Variants in EXOC6 observed in about 807,000 individuals in gnomAD.
The protein encoded by EXOC6 is SEC15-like 1.
EXOC6 carries 60 observed loss-of-function variants against 112.5 expected under a neutral mutation model. The observed-to-expected ratio is 0.53, with a 90% CI of 0.43 to 0.66. EXOC6 has a LOEUF of 0.66. Ranked by LOEUF, EXOC6 falls within the 30% of genes least tolerant of loss-of-function variation. EXOC6 has a pLI of 0.00. For missense variants in EXOC6, 855 were observed against 957.1 expected (o/e 0.89, Z 1.41); for synonymous variants, 295 against 308.0 (o/e 0.96, Z 0.44).
intron 18 of EXOC6, among the ~76,000 whole-genome samples, chr10:92,991,150 G>C (rs1260378311): frequency 6.7e-6 from 1 of 149,076 alleles, no homozygotes; most frequent in Non-Finnish European, 1.5e-5. Context: ...TCCCAAGACA[G>C]AGTCTGGCCA....
At chr10:93,019,640 A>G (rs1844691075) in intron 20 of EXOC6, among the ~76,000 whole-genome samples, 1 of 152,192 alleles carries the variant, frequency 6.6e-6, no homozygotes, top group East Asian at 1.9e-4. Context: ...GGTTGACTTT[A>G]TAAAGCCAAT....
At position 92,953,482 on chromosome 10, in the gene EXOC6, C is replaced by T. The variant is rs377053918; in HGVS notation, c.1526+1100C>T. Among the ~76,000 whole-genome samples, 3 of 152,260 alleles carry T rather than the reference C, an allele frequency of 2.0e-5. No individual in the cohort carries two copies. The East Asian group carries it at 5.8e-4, about 29-fold the overall frequency. On this transcript the variant is annotated intron_variant, in intron 15 of 21. Transcript: ENST00000260762. Reference sequence around the variant, plus strand: ...TCAACTGGGGATAATTTTGGTTCTCCTGCCACCACCTCCTCCCCACAAATT... The same window carrying T: ...TCAACTGGGGATAATTTTGGTTCTCTTGCCACCACCTCCTCCCCACAAATT...
Position 92,996,419 on chromosome 10 carries a change from C to G in EXOC6, c.1954-1055C>G, listed in dbSNP as rs187960298. 9.9e-5 allele frequency among the ~76,000 whole-genome samples: 15 copies of G among 152,142 alleles called. No homozygotes were observed. The South Asian group carries it at 3.1e-3, about 32-fold the overall frequency. ...GCGGATCACAAGGTCAGATCGAGAC[C>G]ATCCTGGCTAACATGGTGAAACTCT... On this transcript the variant is annotated intron_variant, in intron 18 of 21. Coordinates refer to ENST00000260762, the MANE Select transcript of EXOC6 (RefSeq NM_019053.6).
intron 17 of EXOC6, among the ~76,000 whole-genome samples, chr10:92,962,683 G>A (rs924376515): frequency 2.0e-5 from 3 of 152,164 alleles, no homozygotes; most frequent in African/African-American, 7.2e-5. Context: ...GTAAGCCGCT[G>A]TCAGGCCCTA....
chr10:93,031,506 CTTTCTTTT>C (rs908933357), intron 20 of EXOC6, among the ~76,000 whole-genome samples: 8 of 113,714 alleles, frequency 7.0e-5, no homozygotes, highest in African/African-American at 2.4e-4. Flanking sequence ...TTTTTTCTTT[CTTTCTTTT>C]TTTTTTTTTT....
At chr10:92,945,427 T>G (rs990777830) in intron 13 of EXOC6, among the ~76,000 whole-genome samples, 1 of 152,172 alleles carries the variant, frequency 6.6e-6, no homozygotes, top group Admixed American at 6.5e-5. Flanking sequence ...TGGGGTTATA[T>G]TTTTAAAAAT....
chr10:92,881,924 C>G (rs1589756245), intron 1 of EXOC6, among the ~76,000 whole-genome samples: 2 of 152,224 alleles, frequency 1.3e-5, no homozygotes, highest in South Asian at 4.1e-4. Context: ...CTTCTTCCAC[C>G]ATGATTGTAA....
At chr10:92,928,725 G>A (rs1385549485) in intron 9 of EXOC6, among the ~76,000 whole-genome samples, 1 of 150,160 alleles carries the variant, frequency 6.7e-6, no homozygotes, top group Admixed American at 6.6e-5. Context: ...AGTGGATTAT[G>A]TATCTTGATT....
At chr10:92,887,643 G>A (rs1285063329) in intron 1 of EXOC6, among the ~76,000 whole-genome samples, 1 of 151,868 alleles carries the variant, frequency 6.6e-6, no homozygotes, top group Non-Finnish European at 1.5e-5. Flanking sequence ...GACTTCAGGT[G>A]ATCTGCCCGC....
intron 20 of EXOC6, among the ~76,000 whole-genome samples, chr10:93,055,394 T>C (rs1267034386): frequency 6.6e-6 from 1 of 152,242 alleles, no homozygotes; most frequent in African/African-American, 2.4e-5. Context: ...GAGATTAATA[T>C]CTTTGTGCAT....
At chr10:93,050,412 G>A (rs1046570210) in intron 20 of EXOC6, among the ~76,000 whole-genome samples, 3 of 151,528 alleles carry the variant, frequency 2.0e-5, no homozygotes, top group African/African-American at 4.8e-5. Flanking sequence ...TTAGCCGGGC[G>A]TGGTGGTATG....
intron 4 of EXOC6, among the ~76,000 whole-genome samples, chr10:92,898,312 T>A (rs1849942003): frequency 6.6e-6 from 1 of 151,498 alleles, no homozygotes; most frequent in Non-Finnish European, 1.5e-5. Context: ...TACCTGTGGT[T>A]CTAACTACTG....
At chr10:93,047,362 G>A (rs550635735) in intron 20 of EXOC6, among the ~76,000 whole-genome samples, 73 of 151,190 alleles carry the variant, frequency 4.8e-4, no homozygotes, top group Non-Finnish European at 8.6e-4. Context: ...CGTGTGAAAC[G>A]TTGTCTCTAC....
intron 13 of EXOC6, among the ~76,000 whole-genome samples, chr10:92,943,069 T>G (rs942254929): frequency 6.6e-6 from 1 of 151,870 alleles, no homozygotes; most frequent in African/African-American, 2.4e-5. Flanking sequence ...TCACCTGTGC[T>G]GGAGTGCAGT....
At chr10:93,054,422 C>T (rs550052390) in intron 20 of EXOC6, among the ~76,000 whole-genome samples, 2 of 152,252 alleles carry the variant, frequency 1.3e-5, no homozygotes, top group African/African-American at 4.8e-5. Flanking sequence ...TAACTGTGTA[C>T]AATATGTATT....
intron 1 of EXOC6, among the ~76,000 whole-genome samples, chr10:92,868,279 C>T (rs543138006): frequency 6.6e-6 from 1 of 152,060 alleles, no homozygotes; most frequent in African/African-American, 2.4e-5. Flanking sequence ...TCTTTTTTCA[C>T]GTGGCAACCC....
chr10:93,011,114 C>CATGGAG, intron 19 of EXOC6, among the ~76,000 whole-genome samples: 1 of 150,410 alleles, frequency 6.6e-6, no homozygotes, highest in South Asian at 2.1e-4. Context: ...CATAGAAAGT[C>CATGGAG]TTTATTTATG....
chr10:92,855,477 G>A (rs1847555388), intron 1 of EXOC6, among the ~76,000 whole-genome samples: 1 of 152,142 alleles, frequency 6.6e-6, no homozygotes, highest in Admixed American at 6.5e-5. Context: ...AAGAGCTTGT[G>A]AATGATTAAT....
At chr10:93,040,428 T>C (rs1444244983) in intron 20 of EXOC6, among the ~76,000 whole-genome samples, 3 of 152,124 alleles carry the variant, frequency 2.0e-5, no homozygotes, top group Non-Finnish European at 2.9e-5. Context: ...TTTGTATTTT[T>C]AGTAGAGGCG....
Sources: allele counts gnomAD v4.1 joint callset (sites outside exome capture counted in the v4.1 genomes callset), GRCh38; gene constraint gnomAD v4.1.1; transcripts MANE v1.5; gene names NCBI Gene and HGNC (gene_info 2026-07-23, HGNC 2026-07-21).